The following ALMS1 variants were observed in gnomAD, a reference collection of about 807,000 sequenced individuals.
ALMS1 encodes the protein centrosome-associated protein ALMS1.
In ALMS1, 271 loss-of-function variants were observed where a neutral mutation model predicts 352.2. The ratio of observed to expected loss-of-function variants is 0.77; its 90% CI spans 0.70 to 0.85. The LOEUF is 0.85. ALMS1 is among the 40% of genes least tolerant of loss of function. The pLI is 0.00. For synonymous variants in ALMS1, 1,865 were observed against 1,761.2 expected, an observed-to-expected ratio of 1.06 and a Z score of -1.48; for missense variants, 5,445 against 4,870.7, an observed-to-expected ratio of 1.12 and a Z score of -3.51.
chr2:73,595,848 CTTA>C lies in ALMS1; in HGVS notation c.11548-3550_11548-3548del, dbSNP rs1675536081. Among the ~76,000 whole-genome samples the C allele has an allele frequency of 5.9e-5, 9 of 152,280 alleles. No individual in the cohort carries two copies. In the South Asian group the frequency reaches 1.9e-3, roughly 32 times the overall value. On this transcript the variant is annotated intron_variant, in intron 16 of 22. Coordinates refer to ENST00000613296, the MANE Select transcript of ALMS1 (RefSeq NM_001378454.1). ...CATTCTAGTGGGTGTGAAGTGGTAT[CTTA>C]TTGTGAGTTTAATTTGAATTTCCCT...
chr2:73,469,859 TAAC>T (rs780181391), intron 9 of ALMS1: 2 of 151,750 alleles, frequency 1.3e-5, no homozygotes, highest in African/African-American at 2.4e-5. Flanking sequence ...GGTATACTCT[TAAC>T]AAAAAGAAAA....
intron 16 of ALMS1, among the ~76,000 whole-genome samples, chr2:73,595,382 T>G (rs190759290): frequency 6.6e-5 from 10 of 152,370 alleles, no homozygotes; most frequent in African/African-American, 2.4e-4. Context: ...TCTGGAGATT[T>G]TATGTATATA....
chr2:73,549,332 T>C (rs1301825085), intron 12 of ALMS1, among the ~76,000 whole-genome samples: 1 of 151,920 alleles, frequency 6.6e-6, no homozygotes, highest in African/African-American at 2.4e-5. Flanking sequence ...GTCTTTTGTA[T>C]TGTCAGATTA....
At chr2:73,484,282 C>A (rs1050996321) in intron 9 of ALMS1, among the ~76,000 whole-genome samples, 2 of 151,570 alleles carry the variant, frequency 1.3e-5, no homozygotes, top group African/African-American at 4.9e-5. Flanking sequence ...GTGACAAAAT[C>A]TCTCAGCATT....
intron 16 of ALMS1, among the ~76,000 whole-genome samples, chr2:73,582,092 G>GT (rs911982535): frequency 7.9e-5 from 12 of 151,914 alleles, no homozygotes; most frequent in Admixed American, 2.0e-4. Context: ...ATCCAGTACA[G>GT]TTTTTTTTAA....
intron 15 of ALMS1, among the ~76,000 whole-genome samples, chr2:73,571,787 A>C (rs145779917): frequency 0.034 from 5,150 of 152,294 alleles, 222 homozygotes; most frequent in Admixed American, 0.093. Context: ...GCTCTAAAAC[A>C]TGTAAAAAGG....
chr2:73,549,405 T>C (rs1674384118), intron 12 of ALMS1, among the ~76,000 whole-genome samples: 1 of 152,216 alleles, frequency 6.6e-6, no homozygotes, highest in East Asian at 1.9e-4. Flanking sequence ...TTATGTTGCA[T>C]TTTATATACA....
At position 73,419,127 on chromosome 2, in the gene ALMS1, C is replaced by T. The variant is rs1558637121; in HGVS notation, c.455C>T (p.Thr152Ile). The T allele has an allele frequency of 1.2e-6, 2 of 1,613,260 alleles. No individual in the cohort carries two copies. The highest frequency in any genetic ancestry group is 1.1e-5 in the South Asian group (1 of 91,068). ...AQRGSGDDQK[T>I]ESWHCLPQEM... The stretch of plus-strand genomic sequence containing the variant: ...TTTCCTTTAACATTTTTCTAGAAAA[C>T]AGAATCTTGGCATTGTCTTCCTCAA... The change falls in exon 3 of 23, where the codon ACA becomes ATA. Residue 152 changes from threonine to isoleucine, a missense_variant. Thr to Ile is a moderately conservative substitution (Grantham distance 89). Coordinates refer to ENST00000613296, the MANE Select transcript of ALMS1 (RefSeq NM_001378454.1).
rs754424459 is a variant in ALMS1, at chr2:73,448,998, C to T, written c.2471C>T (p.Ala824Val). 6.2e-7 allele frequency: 1 copy of T among 1,613,780 alleles called. No individual in the cohort carries two copies. Among genetic ancestry groups the T allele is most frequent in the African/African-American group, 1.3e-5 (1 of 74,854 alleles). The part of the protein sequence containing the change: ...REKLLVFYQQ[A>V]LLDSHLPEEA... ...AAGCTCCTTGTTTTCTACCAACAGG[C>T]CTTGCTGGACAGCCATCTACCCGAA... Residue 824 changes from alanine (A) to valine (V), a missense_variant, in exon 8 of 23, where the codon GCC becomes GTC. By Grantham distance (64) the Ala-to-Val change is moderately conservative. Coordinates refer to ENST00000613296, the MANE Select transcript of ALMS1 (RefSeq NM_001378454.1).
intron 6 of ALMS1, among the ~76,000 whole-genome samples, chr2:73,430,021 T>A (rs1671468245): frequency 6.6e-6 from 1 of 152,104 alleles, no homozygotes; most frequent in Non-Finnish European, 1.5e-5. Context: ...ATCTGCTGGT[T>A]TCTTAAATAA....
Position 73,609,890 on chromosome 2 carries a change from T to A in ALMS1, c.*278T>A, listed in dbSNP as rs1322681263. On this transcript the variant is annotated 3_prime_UTR_variant, in exon 23 of 23. Coordinates refer to ENST00000613296, the MANE Select transcript of ALMS1 (RefSeq NM_001378454.1). Reference sequence around the variant, plus strand: ...TCCCTTTTTGTATGTGTTTTTATACTTTTAGAAAATAAAAACTTTAGATTA... The same window carrying A: ...TCCCTTTTTGTATGTGTTTTTATACATTTAGAAAATAAAAACTTTAGATTA... 2.4e-6 allele frequency: 1 copy of A among 416,138 alleles called. No individual in the cohort carries two copies. Among genetic ancestry groups the A allele is most frequent in the East Asian group, 4.8e-5 (1 of 20,828 alleles). 25.8% of individuals were successfully genotyped at this position (416,138 alleles called of 1,614,324 possible).
intron 21 of ALMS1, among the ~76,000 whole-genome samples, chr2:73,604,706 T>C (rs1227300795): frequency 6.6e-6 from 1 of 152,218 alleles, no homozygotes; most frequent in East Asian, 1.9e-4. Context: ...TGTGGAGTCC[T>C]GGAAGTTGCT....
intron 9 of ALMS1, chr2:73,459,187 A>G (rs1172707729): frequency 3.3e-5 from 5 of 152,048 alleles, no homozygotes; most frequent in Non-Finnish European, 7.4e-5. Context: ...CTGGTGTTTT[A>G]TCATGATTTG....
rs1671849935 is a variant in ALMS1, at chr2:73,448,366, C to A, written c.1839C>A (p.Gly613=). 8.7e-6 allele frequency: 14 copies of A among 1,613,850 alleles called. No individual in the cohort carries two copies. The highest frequency in any genetic ancestry group is 1.2e-5 in the Non-Finnish European group (14 of 1,179,900). ...AAPGLADQTT[G]MSTLTSTSYS... ...CTGGACTAGCTGACCAGACAACTGG[C>A]ATGTCAACTCTAACCTCTACTTCCT... The change falls in exon 8 of 23, where the codon GGC becomes GGA. Residue 613 remains glycine (G), a synonymous_variant. Coordinates refer to ENST00000613296, the MANE Select transcript of ALMS1 (RefSeq NM_001378454.1).
chr2:73,494,975 AT>A (rs147225499), intron 10 of ALMS1, among the ~76,000 whole-genome samples: 9,114 of 152,060 alleles, frequency 0.06, 670 homozygotes, highest in African/African-American at 0.16. Context: ...TCTCTTTTAC[AT>A]TTGTTAATTG....
At position 73,491,441 on chromosome 2, in the gene ALMS1, A is replaced by T. The variant is rs758104616; in HGVS notation, c.9482A>T (p.Asn3161Ile). 4 of 1,614,054 alleles carry T rather than the reference A, an allele frequency of 2.5e-6. No homozygotes were observed. The East Asian group carries it at 8.9e-5, about 36-fold the overall frequency. ...QIVTSRQIQV[N>I]ISDFEGHSNP... ...GTAACCTCCAGGCAAATACAAGTGA[A>T]CATTTCAGATTTCGAAGGACATTCC... The change falls in exon 10 of 23, where the codon AAC (asparagine) becomes ATC (isoleucine). Residue 3161 changes from asparagine (N) to isoleucine (I), a missense_variant. Transcript: ENST00000613296.
intron 9 of ALMS1, among the ~76,000 whole-genome samples, chr2:73,467,710 A>G (rs1572950962): frequency 1.3e-5 from 2 of 152,090 alleles, no homozygotes; most frequent in Non-Finnish European, 2.9e-5. Context: ...AGTAGAATAG[A>G]TGAATCAATT....
Position 73,449,014 on chromosome 2 carries a change from T to C in ALMS1, c.2487T>C (p.His829=), listed in dbSNP as rs747005692. The C allele has an allele frequency of 6.2e-7, 1 of 1,613,938 alleles. No individual in the cohort carries two copies. The highest frequency in any genetic ancestry group is 1.7e-5 in the Admixed American group (1 of 59,992). ...ACCAACAGGCCTTGCTGGACAGCCA[T>C]CTACCCGAAGAGGCTCTGAAAGTTT... ...VFYQQALLDS[H]LPEEALKVSA... The change falls in exon 8 of 23, where the codon CAT becomes CAC. Residue 829 remains histidine, a synonymous_variant. Transcript: ENST00000613296.
At chr2:73,564,465 C>CA (rs367797062) in intron 15 of ALMS1, among the ~76,000 whole-genome samples, 11,196 of 62,596 alleles carry the variant, frequency 0.18, 753 homozygotes, top group East Asian at 0.32. Context: ...GACTCCGTCT[C>CA]AAAAAAAAAA....
Sources: allele counts gnomAD v4.1 joint callset (sites outside exome capture counted in the v4.1 genomes callset), GRCh38; gene constraint gnomAD v4.1.1; transcripts MANE v1.5; gene names NCBI Gene and HGNC (gene_info 2026-07-23, HGNC 2026-07-21).